Variants in SLC25A48 observed in about 807,000 individuals in gnomAD.
SLC25A48 encodes the protein solute carrier family 25 member 48, also known as CTC-321K16.1.
Under a neutral mutation model 32.2 loss-of-function variants are expected in SLC25A48, and 29 were observed. That is an observed-to-expected ratio of 0.90 (90% CI 0.67 to 1.23). The LOEUF (loss-of-function observed/expected upper bound fraction) is 1.23, where lower values mean the gene tolerates loss of function less well. Ranked by LOEUF, SLC25A48 falls within the 50% of genes most tolerant of loss-of-function variation. The pLI, the probability that SLC25A48 is intolerant of heterozygous loss-of-function variation, is 0.00. For missense variants in SLC25A48, 399 were observed against 422.7 expected, an observed-to-expected ratio of 0.94 and a Z score of 0.49; for synonymous variants, 164 against 172.3, an observed-to-expected ratio of 0.95 and a Z score of 0.38.
chr5:135,662,196 A>G (rs924577842), intron 3 of SLC25A48, among the ~76,000 whole-genome samples: 2 of 152,134 alleles, frequency 1.3e-5, no homozygotes, highest in African/African-American at 4.8e-5. Flanking sequence ...AGAATGGTGG[A>G]GCATCTCTTC....
intron 3 of SLC25A48, among the ~76,000 whole-genome samples, chr5:135,727,839 C>T (rs940174830): frequency 1.3e-5 from 2 of 152,208 alleles, no homozygotes; most frequent in African/African-American, 2.4e-5. Context: ...TGATTCTTTC[C>T]ATTTTATTTT....
intron 3 of SLC25A48, among the ~76,000 whole-genome samples, chr5:135,691,024 G>A (rs971566700): frequency 1.3e-5 from 2 of 151,738 alleles, no homozygotes; most frequent in South Asian, 2.1e-4. Context: ...CTGACTTGTC[G>A]TTTAAGAAAA....
At chr5:135,765,605 C>A (rs1431984061) in intron 3 of SLC25A48, among the ~76,000 whole-genome samples, 12 of 151,100 alleles carry the variant, frequency 7.9e-5, no homozygotes. Flanking sequence ...CTGTACACCC[C>A]CCTGTGATGT....
intron 3 of SLC25A48, among the ~76,000 whole-genome samples, chr5:135,667,592 T>C (rs1684676859): frequency 6.6e-6 from 1 of 152,224 alleles, no homozygotes; most frequent in South Asian, 2.1e-4. Flanking sequence ...CTTTGGAATA[T>C]AATTTGGCTT....
Position 135,796,842 on chromosome 5 carries a change from A to T in SLC25A48, c.-520-15681A>T, listed in dbSNP as rs141721832. ...TGCACGGGTGTGTGCCACCACTGTG[A>T]TACTGTTCCTAATATCTAGGGAAGG... is the stretch of plus-strand genomic sequence containing the variant. On this transcript the variant is annotated intron_variant, in intron 3 of 10. Coordinates refer to the SLC25A48 transcript ENST00000646290. 1.2e-4 allele frequency among the ~76,000 whole-genome samples: 18 copies of T among 151,748 alleles called. No individual in the cohort carries two copies. The East Asian group carries it at 3.5e-3, about 29-fold the overall frequency.
chr5:135,645,282 C>A (rs1752932988), intron 3 of SLC25A48, among the ~76,000 whole-genome samples: 1 of 152,164 alleles, frequency 6.6e-6, no homozygotes. Context: ...ACTGAGTTTT[C>A]CATTGTTATT....
At chr5:135,782,028 C>T (rs1196360556) in intron 3 of SLC25A48, among the ~76,000 whole-genome samples, 1 of 113,366 alleles carries the variant, frequency 8.8e-6, no homozygotes, top group East Asian at 2.2e-4. Context: ...GCTTTTATTC[C>T]CAATATCACA....
intron 1 of SLC25A48, among the ~76,000 whole-genome samples, chr5:135,619,284 C>T (rs1752266641): frequency 6.6e-6 from 1 of 151,842 alleles, no homozygotes; most frequent in South Asian, 2.1e-4. Context: ...TTGATCTAAT[C>T]TGTTATCAAA....
chr5:135,605,195 A>G (rs897393710), intron 1 of SLC25A48, among the ~76,000 whole-genome samples: 28 of 152,318 alleles, frequency 1.8e-4, no homozygotes, highest in African/African-American at 6.5e-4. Context: ...AACATTCTCT[A>G]TTTTCTACAA....
At chr5:135,843,059 G>A (rs1759134449) in intron 2 of SLC25A48, among the ~76,000 whole-genome samples, 1 of 152,152 alleles carries the variant, frequency 6.6e-6, no homozygotes, top group Non-Finnish European at 1.5e-5. Flanking sequence ...TCCCCATCTT[G>A]CTCCCTGTAT....
In SLC25A48 at chr5:135,624,053, G is replaced by C. The variant is rs541812840; in HGVS notation, c.-848-5184G>C. 7.2e-5 allele frequency among the ~76,000 whole-genome samples: 11 copies of C among 152,262 alleles called. No individual in the cohort carries two copies. The South Asian group carries it at 8.3e-4, about 11-fold the overall frequency. ...GGGGATGGAAATCACGGGTGGGAGC[G>C]GGGGGTTGGTGTGGTTGTTCCATGA... On this transcript the variant is annotated intron_variant, in intron 1 of 10. Coordinates refer to the SLC25A48 transcript ENST00000646290.
chr5:135,641,435 A>C (rs1752834311), intron 3 of SLC25A48, among the ~76,000 whole-genome samples: 1 of 152,092 alleles, frequency 6.6e-6, no homozygotes, highest in Non-Finnish European at 1.5e-5. Context: ...GAGAAGAGGG[A>C]CTTGTGGGGC....
At chr5:135,680,115 C>G (rs1272654447) in intron 3 of SLC25A48, among the ~76,000 whole-genome samples, 1 of 152,136 alleles carries the variant, frequency 6.6e-6, no homozygotes, top group African/African-American at 2.4e-5. Context: ...TGTCTGTAGT[C>G]ACTACTCTTT....
chr5:135,698,583 C>A (rs946373175), intron 3 of SLC25A48, among the ~76,000 whole-genome samples: 1 of 151,472 alleles, frequency 6.6e-6, no homozygotes, highest in African/African-American at 2.4e-5. Flanking sequence ...AACCTGGAAC[C>A]AAAAAGCTTC....
chr5:135,740,486 A>G (rs2126999684), intron 3 of SLC25A48, among the ~76,000 whole-genome samples: 1 of 152,268 alleles, frequency 6.6e-6, no homozygotes, highest in East Asian at 1.9e-4. Context: ...GCTTATGTAC[A>G]AGGCATTTGA....
chr5:135,883,128 G>A, intron 7 of SLC25A48: 3 of 985,490 alleles, frequency 3.0e-6, no homozygotes, highest in Non-Finnish European at 3.6e-6. Flanking sequence ...ATTTACTGAA[G>A]AGAAAGACTC....
At chr5:135,704,196 G>A (rs937812102) in intron 3 of SLC25A48, among the ~76,000 whole-genome samples, 4 of 152,194 alleles carry the variant, frequency 2.6e-5, no homozygotes, top group African/African-American at 9.7e-5. Context: ...GGACCAGGAG[G>A]AAGTCCTTTG....
At chr5:135,716,167 G>A (rs1273529736) in intron 3 of SLC25A48, among the ~76,000 whole-genome samples, 1 of 152,126 alleles carries the variant, frequency 6.6e-6, no homozygotes, top group Non-Finnish European at 1.5e-5. Context: ...CTTTCCTCAA[G>A]ATGGAGGCTG....
intron 4 of SLC25A48, among the ~76,000 whole-genome samples, chr5:135,867,662 T>A (rs572300480): frequency 6.6e-6 from 1 of 152,356 alleles, no homozygotes; most frequent in African/African-American, 2.4e-5. Context: ...CTACTCTTGC[T>A]GTTGAATTGA....
Sources: gnomAD v4.1 joint callset for allele counts (sites outside exome capture counted in the v4.1 genomes callset) on GRCh38, gnomAD v4.1.1 for gene constraint, MANE v1.5 for transcripts, NCBI Gene and HGNC (gene_info 2026-07-23, HGNC 2026-07-21) for gene names.